Variants in F13A1 observed in about 807,000 individuals in gnomAD.
F13A1 encodes FSF, A subunit.
In F13A1, 47 loss-of-function variants were observed where a neutral mutation model predicts 80.1. The observed-to-expected ratio is 0.59, with a 90% confidence interval of 0.46 to 0.75. The LOEUF (loss-of-function observed/expected upper bound fraction) is 0.75, where lower values mean the gene tolerates loss of function less well. F13A1 is among the 30% of genes least tolerant of loss of function. F13A1 has a pLI of 0.00. For synonymous variants in F13A1, 349 were observed against 344.9 expected (o/e 1.01, Z -0.13); for missense variants, 817 against 930.4 (o/e 0.88, Z 1.59).
Position 6,197,336 on chromosome 6 carries a change from C to A in F13A1, c.1113-10G>T. 1 of 1,613,102 alleles carries A rather than the reference C, an allele frequency of 6.2e-7. No homozygotes were observed. Among genetic ancestry groups the A allele is most frequent in the Non-Finnish European group, 8.5e-7 (1 of 1,179,148 alleles). On this transcript the variant is annotated splice_polypyrimidine_tract_variant and intron_variant, in intron 8 of 14. Transcript: ENST00000264870. ...CCAGCAGTGGTAGTTCCTTAGAAAA[C>A]ACAAGCCCAGAAAGGTTAAACTTCC...
intron 13 of F13A1, among the ~76,000 whole-genome samples, chr6:6,155,703 C>T (rs905861590): frequency 1.2e-4 from 19 of 152,158 alleles, no homozygotes; most frequent in African/African-American, 4.6e-4. Flanking sequence ...CTCCTTGCTT[C>T]TTTTGAGGAA....
chr6:6,218,436 C>T (rs534992248), intron 8 of F13A1, among the ~76,000 whole-genome samples: 1 of 152,198 alleles, frequency 6.6e-6, no homozygotes, highest in Admixed American at 6.5e-5. Flanking sequence ...GCCTTCCCCC[C>T]AGAGGTTACA....
At chr6:6,268,815 A>G (rs9504740) in intron 3 of F13A1, among the ~76,000 whole-genome samples, 19,618 of 151,444 alleles carry the variant, frequency 0.13, 1,805 homozygotes, top group African/African-American at 0.26. Context: ...CAGCCTCCCA[A>G]GTAGCTGGGA....
chr6:6,311,592 A>G (rs528526783), intron 2 of F13A1, among the ~76,000 whole-genome samples: 110 of 148,202 alleles, frequency 7.4e-4, no homozygotes, highest in African/African-American at 2.6e-3. Context: ...ACATACATAT[A>G]TATCATGAAT....
chr6:6,201,055 C>A (rs1016353697), intron 8 of F13A1, among the ~76,000 whole-genome samples: 1 of 152,164 alleles, frequency 6.6e-6, no homozygotes. Flanking sequence ...GCTTCCTATA[C>A]GACCCGAAGT....
In F13A1 at chr6:6,300,517, C is replaced by T. The variant is rs141473611; in HGVS notation, c.319+4834G>A. 9.7e-3 allele frequency among the ~76,000 whole-genome samples: 1,478 copies of T among 152,134 alleles called. 33 individuals carry two copies. Among genetic ancestry groups the T allele is most frequent in the African/African-American group, 0.034 (1,391 of 41,468 alleles). On this transcript the variant is annotated intron_variant, in intron 3 of 14. Coordinates refer to ENST00000264870, the MANE Select transcript of F13A1 (RefSeq NM_000129.4). The stretch of plus-strand genomic sequence containing the variant: ...GTGACCCCATTTTCCAGGTGCCGTC[C>T]GTCACCCCTTTCTTTGACTCGGAAA...
At chr6:6,184,841 C>T (rs1210676468) in intron 10 of F13A1, among the ~76,000 whole-genome samples, 2 of 152,066 alleles carry the variant, frequency 1.3e-5, no homozygotes, top group Non-Finnish European at 2.9e-5. Context: ...ACGAGAAACA[C>T]CTGTATGGGG....
intron 3 of F13A1, among the ~76,000 whole-genome samples, chr6:6,289,520 G>A (rs1758192495): frequency 6.7e-6 from 1 of 149,068 alleles, no homozygotes; most frequent in South Asian, 2.1e-4. Context: ...AAAAAAGGAG[G>A]GGAAAAATCA....
intron 13 of F13A1, among the ~76,000 whole-genome samples, chr6:6,159,363 C>G (rs1760534058): frequency 6.6e-6 from 1 of 152,088 alleles, no homozygotes; most frequent in Non-Finnish European, 1.5e-5. Flanking sequence ...TACTGTTAAC[C>G]TCGGTAAAAA....
At chr6:6,166,880 G>A (rs141706377) in intron 13 of F13A1, among the ~76,000 whole-genome samples, 27 of 152,356 alleles carry the variant, frequency 1.8e-4, no homozygotes, top group African/African-American at 6.5e-4. Context: ...CTTGGTGATA[G>A]TCTAGGGGGT....
chr6:6,238,306 T>C (rs1403903789), intron 6 of F13A1, among the ~76,000 whole-genome samples: 4 of 152,104 alleles, frequency 2.6e-5, no homozygotes, highest in Non-Finnish European at 1.5e-5. Context: ...ATGGATAAAT[T>C]TGGAAAAAAT....
chr6:6,299,118 G>A (rs1278148311), intron 3 of F13A1, among the ~76,000 whole-genome samples: 6 of 142,798 alleles, frequency 4.2e-5, no homozygotes, highest in Non-Finnish European at 8.9e-5. Context: ...CGAGAGATCC[G>A]CTGTTAGTCT....
At chr6:6,167,148 T>C (rs986944844) in intron 13 of F13A1, among the ~76,000 whole-genome samples, 1 of 152,210 alleles carries the variant, frequency 6.6e-6, no homozygotes, top group Non-Finnish European at 1.5e-5. Context: ...TAAGTATCTG[T>C]AGCCATTACA....
intron 1 of F13A1, 38 bp from the exon 2 acceptor site, chr6:6,318,720 C>CATGTAAAGT: frequency 6.3e-7 from 1 of 1,587,058 alleles, no homozygotes; most frequent in Middle Eastern, 1.7e-4. Flanking sequence ...ACAGAAAAGG[C>CATGTAAAGT]ATGTAAAGTG....
chr6:6,283,190 G>A (rs1205320240), intron 3 of F13A1, among the ~76,000 whole-genome samples: 4 of 152,094 alleles, frequency 2.6e-5, no homozygotes, highest in Non-Finnish European at 4.4e-5. Flanking sequence ...CCAAATGGAG[G>A]GGCATTCTAA....
chr6:6,299,024 AT>A (rs1583118782), intron 3 of F13A1, among the ~76,000 whole-genome samples: 4 of 147,688 alleles, frequency 2.7e-5, no homozygotes, highest in East Asian at 3.9e-4. Context: ...GTTTGGCTGG[AT>A]ATGAAATTCG....
chr6:6,209,485 A>G (rs538498709), intron 8 of F13A1, among the ~76,000 whole-genome samples: 1 of 152,326 alleles, frequency 6.6e-6, no homozygotes, highest in Admixed American at 6.5e-5. Flanking sequence ...CAACCCAGAA[A>G]TTCCACTCTA....
At chr6:6,196,933 T>G (rs1284075419) in intron 9 of F13A1, among the ~76,000 whole-genome samples, 1 of 152,258 alleles carries the variant, frequency 6.6e-6, no homozygotes, top group African/African-American at 2.4e-5. Context: ...TAAAAATGCT[T>G]ACAGATATTT....
At chr6:6,279,643 G>A (rs114599566) in intron 3 of F13A1, among the ~76,000 whole-genome samples, 20 of 152,240 alleles carry the variant, frequency 1.3e-4, no homozygotes, top group African/African-American at 3.6e-4. Flanking sequence ...AACACATGCC[G>A]TAAAGAATCT....
Sources: allele counts gnomAD v4.1 joint callset (sites outside exome capture counted in the v4.1 genomes callset), GRCh38; gene constraint gnomAD v4.1.1; transcripts MANE v1.5; gene names NCBI Gene and HGNC (gene_info 2026-07-23, HGNC 2026-07-21).